The following ME3 variants were observed in gnomAD, a reference collection of about 807,000 sequenced individuals.
The protein encoded by ME3 is malic enzyme 3, also known as NADP-dependent malic enzyme, mitochondrial.
ME3 carries 48 observed loss-of-function variants against 68.9 expected under a neutral mutation model. That is an observed-to-expected ratio of 0.70 (90% confidence interval 0.55 to 0.89). ME3 has a LOEUF of 0.89. ME3 is among the 40% of genes least tolerant of loss of function. ME3 has a pLI of 0.00. For missense variants in ME3, 675 were observed against 797.4 expected (o/e 0.85, Z 1.85); for synonymous variants, 320 against 318.8 (o/e 1.00, Z -0.04).
chr11:86,494,682 C>A (rs866643577), intron 6 of ME3, among the ~76,000 whole-genome samples: 8 of 147,956 alleles, frequency 5.4e-5, no homozygotes, highest in Non-Finnish European at 1.0e-4. Flanking sequence ...GAGAAGCAGA[C>A]GCTTTGAGTA....
chr11:86,506,960 G>T (rs1191364292), intron 5 of ME3, among the ~76,000 whole-genome samples: 1 of 152,202 alleles, frequency 6.6e-6, no homozygotes, highest in African/African-American at 2.4e-5. Context: ...CATATACCTG[G>T]AGTCTAAGCA....
chr11:86,577,833 C>T (rs936522217), intron 2 of ME3, among the ~76,000 whole-genome samples: 6 of 152,106 alleles, frequency 3.9e-5, no homozygotes, highest in African/African-American at 1.4e-4. Context: ...CCTAGACAGG[C>T]TGGTTTTATT....
intron 2 of ME3, among the ~76,000 whole-genome samples, chr11:86,649,929 A>C (rs1018123968): frequency 6.6e-6 from 1 of 152,200 alleles, no homozygotes; most frequent in Non-Finnish European, 1.5e-5. Flanking sequence ...GCTACCATTG[A>C]CTATCTTCAC....
intron 4 of ME3, among the ~76,000 whole-genome samples, chr11:86,531,397 G>C (rs1343205847): frequency 5.3e-5 from 8 of 152,126 alleles, no homozygotes; most frequent in Non-Finnish European, 5.9e-5. Flanking sequence ...TTACACTGTT[G>C]GTGGGACTGT....
In ME3 at chr11:86,521,428, C is replaced by CAAA. The variant is rs1555221566; in HGVS notation, c.468-12564_468-12562dup. 7.7e-5 allele frequency among the ~76,000 whole-genome samples: 10 copies of CAAA among 129,168 alleles called. 1 individual carries two copies. Among genetic ancestry groups the CAAA allele is most frequent in the African/African-American group, 3.1e-4 (10 of 31,782 alleles). 84.7% of individuals were successfully genotyped at this position (129,168 alleles called of 152,430 possible). A position where few individuals can be genotyped will look rare whatever the true frequency, so the allele number is the denominator to read the frequency against. On this transcript the variant is annotated intron_variant, in intron 4 of 14. Coordinates refer to ENST00000543262, the Ensembl canonical transcript of ME3. The stretch of plus-strand genomic sequence containing the variant: ...ACAAACAAAACAAAACAAAACAAAA[C>CAAA]AAAAATAATAATAATAATAATAATA...
At chr11:86,529,282 A>G (rs1308022243) in intron 4 of ME3, among the ~76,000 whole-genome samples, 1 of 152,202 alleles carries the variant, frequency 6.6e-6, no homozygotes, top group Admixed American at 6.5e-5. Context: ...TCCTCGACAC[A>G]TACACCCTCC....
At chr11:86,484,345 G>T (rs1055624672) in intron 7 of ME3, among the ~76,000 whole-genome samples, 1 of 151,658 alleles carries the variant, frequency 6.6e-6, no homozygotes, top group Admixed American at 6.6e-5. Flanking sequence ...CTGTCTTGGA[G>T]CTACTGTATT....
chr11:86,450,128 A>T, intron 9 of ME3, 126 bp from the exon 10 acceptor site: 1 of 958,824 alleles, frequency 1.0e-6, no homozygotes, highest in Non-Finnish European at 1.6e-6. Flanking sequence ...AGGCCCAATT[A>T]AGTCCTTGCC....
At chr11:86,506,520 C>A (rs1375538390) in intron 5 of ME3, among the ~76,000 whole-genome samples, 1 of 152,148 alleles carries the variant, frequency 6.6e-6, no homozygotes, top group African/African-American at 2.4e-5. Context: ...GTCCATGATC[C>A]CCTCACCAAG....
chr11:86,588,735 C>T (rs1275123756), intron 2 of ME3, among the ~76,000 whole-genome samples: 1 of 152,124 alleles, frequency 6.6e-6, no homozygotes, highest in Non-Finnish European at 1.5e-5. Context: ...AGGGGAGGGC[C>T]CTTTCCCCTG....
intron 2 of ME3, among the ~76,000 whole-genome samples, chr11:86,618,184 C>G (rs1451930926): frequency 1.3e-5 from 2 of 151,052 alleles, no homozygotes; most frequent in Non-Finnish European, 2.9e-5. Context: ...CCTATAACCC[C>G]AGCTACTTGG....
At chr11:86,559,712 G>T (rs377467432) in exon 3 of ME3, 3 of 1,613,704 alleles carry the variant, frequency 1.9e-6, no homozygotes, top group Non-Finnish European at 2.5e-6. Flanking sequence ...CTCTGCTGCC[G>T]CTCGTAATAT....
At chr11:86,509,183 A>C (rs1489173658) in intron 4 of ME3, among the ~76,000 whole-genome samples, 1 of 152,128 alleles carries the variant, frequency 6.6e-6, no homozygotes, top group Non-Finnish European at 1.5e-5. Flanking sequence ...AATGACCCCA[A>C]GGCTGATTCC....
chr11:86,618,016 G>T (rs1339551712), intron 2 of ME3, among the ~76,000 whole-genome samples: 1 of 152,112 alleles, frequency 6.6e-6, no homozygotes, highest in Admixed American at 6.6e-5. Context: ...TTCACAAGAT[G>T]TAGGATCATG....
intron 4 of ME3, among the ~76,000 whole-genome samples, chr11:86,526,155 G>A (rs931472451): frequency 2.0e-5 from 3 of 152,180 alleles, no homozygotes; most frequent in Admixed American, 6.5e-5. Flanking sequence ...CTGGAAAATC[G>A]GGTCACTCCC....
chr11:86,578,131 G>C lies in ME3; in HGVS notation c.184-18308C>G, dbSNP rs972805352. ...AGAGGTGGATAGTTGGAAAGATTATGAATCACTCTCTTGGCAAAATTCCCT... is the reference window on the plus strand; with the variant it reads ...AGAGGTGGATAGTTGGAAAGATTATCAATCACTCTCTTGGCAAAATTCCCT... On this transcript the variant is annotated intron_variant, in intron 2 of 14. Coordinates refer to ENST00000543262, the Ensembl canonical transcript of ME3. Among the ~76,000 whole-genome samples, 13 of 152,144 alleles carry C rather than the reference G, an allele frequency of 8.5e-5. 1 individual carries two copies. The highest frequency in any genetic ancestry group is 1.0e-4 in the Non-Finnish European group (7 of 68,028).
At chr11:86,528,422 C>G (rs1432580640) in intron 4 of ME3, among the ~76,000 whole-genome samples, 17 of 152,178 alleles carry the variant, frequency 1.1e-4, no homozygotes, top group African/African-American at 3.9e-4. Context: ...GTTTAGCATC[C>G]CACTGTCAAC....
intron 10 of ME3, 50 bp downstream of exon 10, chr11:86,449,839 T>G: frequency 7.2e-7 from 1 of 1,395,322 alleles, no homozygotes; most frequent in East Asian, 2.3e-5. Flanking sequence ...GTCCAGTTCC[T>G]GGGAGCTATA....
intron 6 of ME3, among the ~76,000 whole-genome samples, chr11:86,493,618 C>A (rs1448031849): frequency 6.6e-6 from 1 of 152,214 alleles, no homozygotes; most frequent in African/African-American, 2.4e-5. Flanking sequence ...CACACGTAGC[C>A]ATGATGGAAG....
Sources: allele counts gnomAD v4.1 joint callset (sites outside exome capture counted in the v4.1 genomes callset), GRCh38; gene constraint gnomAD v4.1.1; transcripts MANE v1.5; gene names NCBI Gene and HGNC (gene_info 2026-07-23, HGNC 2026-07-21).